MGAT4B: variants seen among roughly 807,000 people sequenced by gnomAD.
MGAT4B encodes the protein N-acetylglucosaminyltransferase IVb.
In MGAT4B, 38 loss-of-function variants were observed where a neutral mutation model predicts 73.9. The ratio of observed to expected loss-of-function variants is 0.51; its 90% CI spans 0.40 to 0.67. The LOEUF (loss-of-function observed/expected upper bound fraction) is 0.67, where lower values mean the gene tolerates loss of function less well. MGAT4B is among the 30% of genes least tolerant of loss of function. MGAT4B has a pLI of 0.00. For synonymous variants in MGAT4B, 373 were observed against 313.5 expected (o/e 1.19, Z -2.01); for missense variants, 686 against 735.2 (o/e 0.93, Z 0.77).
Position 179,800,549 on chromosome 5 carries a change from G to A in MGAT4B, c.654C>T (p.Ser218=). Residue 218 remains serine (S), a synonymous_variant, in exon 6 of 15, where the codon TCC becomes TCT. Coordinates refer to ENST00000292591, the MANE Select transcript of MGAT4B (RefSeq NM_014275.5). ...HSGLLEVISP[S]PHFYPDFSRL... ...GGGAGAAGTCAGGGTAGAAGTGGGG[G>A]GAGGGTGAGATGACCTCCAGGAGCC... 6.2e-7 allele frequency: 1 copy of A among 1,612,296 alleles called. No homozygotes were observed. The highest frequency in any genetic ancestry group is 8.5e-7 in the Non-Finnish European group (1 of 1,179,732).
In MGAT4B at chr5:179,798,409, A is replaced by G; in HGVS notation, c.1448T>C (p.Leu483Pro). The change falls in exon 13 of 15, where the codon CTG (leucine) becomes CCG (proline). Residue 483 changes from leucine to proline, a missense_variant. Transcript: ENST00000292591. ...GAGGGTGGCGGTGCGGCCCTCCTGC[A>G]GGGCCTCCTTGTCTGACTGAGGGTT... ...FDNPQSDKEA[L>P]QEGRTATLRY... The G allele has an allele frequency of 6.2e-7, 1 of 1,612,622 alleles. No individual in the cohort carries two copies. The highest frequency in any genetic ancestry group is 8.5e-7 in the Non-Finnish European group (1 of 1,179,848).
At chr5:179,799,712 C>A (rs1756822806) in intron 8 of MGAT4B, 76 bp from the exon 9 acceptor site, 3 of 1,598,478 alleles carry the variant, frequency 1.9e-6, no homozygotes, top group Admixed American at 3.4e-5. Flanking sequence ...CCGAGTCCCA[C>A]AGCAAACCCA....
intron 1 of MGAT4B, chr5:179,802,222 G>T: frequency 6.9e-7 from 1 of 1,449,334 alleles, no homozygotes; most frequent in South Asian, 1.4e-5. Flanking sequence ...TATCCTCTGA[G>T]AAGGCATCTG....
intron 1 of MGAT4B, among the ~76,000 whole-genome samples, chr5:179,805,701 C>G (rs1757120362): frequency 1.3e-5 from 2 of 152,242 alleles, no homozygotes; most frequent in South Asian, 2.1e-4. Context: ...GGACTCAGCC[C>G]GCTTAGGCCT....
rs1756746943 is a variant in MGAT4B, at chr5:179,798,369, G to A, written c.1488C>T (p.Ser496=). Residue 496 remains serine (S), a synonymous_variant, in exon 13 of 15, where the codon AGC becomes AGT. Transcript: ENST00000292591. The part of the protein sequence containing the change: ...GRTATLRYPR[S]PDGYLQIGSF... ...CACCGATCTGGAGGTAGCCGTCGGG[G>A]CTCCGAGGGTACCGGAGGGTGGCGG... The A allele has an allele frequency of 1.2e-6, 2 of 1,613,040 alleles. No individual in the cohort carries two copies. The highest frequency in any genetic ancestry group is 8.5e-7 in the Non-Finnish European group (1 of 1,179,994).
In MGAT4B at chr5:179,806,519, A is replaced by G; in HGVS notation, c.65T>C (p.Leu22Pro). 1 of 1,337,712 alleles carries G rather than the reference A, an allele frequency of 7.5e-7. No individual in the cohort carries two copies. Among genetic ancestry groups the G allele is most frequent in the Non-Finnish European group, 9.8e-7 (1 of 1,019,194 alleles). 82.9% of individuals were successfully genotyped at this position (1,337,712 alleles called of 1,614,324 possible). Residue 22 changes from leucine (L) to proline (P), a missense_variant, in exon 1 of 15, where the codon CTG becomes CCG. Leu to Pro is a moderately conservative substitution (Grantham distance 98). Coordinates refer to ENST00000292591, the MANE Select transcript of MGAT4B (RefSeq NM_014275.5). The surrounding 1 kb of genome is among the most constrained non-coding windows in gnomAD (Gnocchi z 4.6). Reference protein sequence around the residue: ...LLFCLCAFLSLSWYAALSGQK... With the variant: ...LLFCLCAFLSPSWYAALSGQK... The stretch of plus-strand genomic sequence containing the variant: ...GCCGCTGAGTGCCGCGTACCAGGAC[A>G]GCGAGAGGAAGGCGCACAGGCAGAA...
intron 11 of MGAT4B, 45 bp downstream of exon 11, chr5:179,798,883 C>A: frequency 6.2e-7 from 1 of 1,601,494 alleles, no homozygotes; most frequent in Non-Finnish European, 8.5e-7. Context: ...CCCTGGGGGC[C>A]ACCCAGCCCC....
chr5:179,800,715 C>T (rs1756881611), intron 5 of MGAT4B, 118 bp from the exon 6 acceptor site: 1 of 996,122 alleles, frequency 1.0e-6, no homozygotes. Flanking sequence ...CCACCCCCTA[C>T]ACCCAGCCAA....
In MGAT4B at chr5:179,800,480, G is replaced by A. The variant is rs1348099695; in HGVS notation, c.719+4C>T. ...TGCTGAGGGTATGGGGGAGTAACTAGTACCTGACTCTCTCCTTGGGGTCCC... is the reference window on the plus strand; with the variant it reads ...TGCTGAGGGTATGGGGGAGTAACTAATACCTGACTCTCTCCTTGGGGTCCC... On this transcript the variant is annotated splice_donor_region_variant and intron_variant, in intron 6 of 14. Coordinates refer to ENST00000292591, the MANE Select transcript of MGAT4B (RefSeq NM_014275.5). 4 of 1,587,112 alleles carry A rather than the reference G, an allele frequency of 2.5e-6. No homozygotes were observed. The highest frequency in any genetic ancestry group is 1.3e-5 in the African/African-American group (1 of 74,470).
chr5:179,800,130 C>T (rs919809791), intron 7 of MGAT4B, 54 bp downstream of exon 7: 39 of 1,606,686 alleles, frequency 2.4e-5, no homozygotes, highest in African/African-American at 1.7e-4. Context: ...CCAGACCCAT[C>T]GCAGGGCAGG....
chr5:179,799,788 A>C, intron 8 of MGAT4B, 152 bp from the exon 9 acceptor site: 1 of 1,274,674 alleles, frequency 7.8e-7, no homozygotes, highest in Non-Finnish European at 1.1e-6. Flanking sequence ...GAGGGCAGAC[A>C]TGTCTGATGC....
chr5:179,802,413 G>T (rs1476194757), intron 1 of MGAT4B: 2 of 1,147,136 alleles, frequency 1.7e-6, no homozygotes, highest in Non-Finnish European at 2.1e-6. Flanking sequence ...TGTCCTTGTA[G>T]CGGTCGCTGG....
intron 1 of MGAT4B, among the ~76,000 whole-genome samples, chr5:179,805,570 G>T (rs537303630): frequency 6.6e-5 from 10 of 152,370 alleles, no homozygotes; most frequent in African/African-American, 2.4e-4. Context: ...GGCGTGGGTA[G>T]ATGGAGCTCG....
Position 179,801,413 on chromosome 5 carries a change from G to C in MGAT4B, c.479C>G (p.Thr160Ser). Residue 160 changes from threonine (T) to serine (S), a missense_variant, in exon 4 of 15, where the codon ACT becomes AGT. Coordinates refer to ENST00000292591, the MANE Select transcript of MGAT4B (RefSeq NM_014275.5). The surrounding 1 kb of genome is among the most constrained non-coding windows in gnomAD (Gnocchi z 4.8). ...GGAGATGAGCGAGTGCAGAGTGTCA[G>C]TCAGGTACGAGTGCACCTCGCGCCG... ...SVRREVHSYL[T>S]DTLHSLISEL... 6.2e-7 allele frequency: 1 copy of C among 1,612,602 alleles called. No individual in the cohort carries two copies.
chr5:179,802,626 C>T (rs570245663), intron 1 of MGAT4B: 9 of 988,032 alleles, frequency 9.1e-6, no homozygotes, highest in East Asian at 1.1e-4. Flanking sequence ...ACCTGTGCTG[C>T]GCCTGGGGCA....
rs1470138280 is a variant in MGAT4B at position 179,806,494 on chromosome 5, G to A, written c.90C>T (p.Gly30=). The change falls in exon 1 of 15, where the codon GGC becomes GGT. Residue 30 remains glycine (G), a synonymous_variant. Coordinates refer to ENST00000292591, the MANE Select transcript of MGAT4B (RefSeq NM_014275.5). This position sits in a 1 kb window ranked among gnomAD's most constrained non-coding sequence, Gnocchi z 4.6. The part of the protein sequence containing the change: ...LSLSWYAALS[G]QKGDVVDVYQ... Reference sequence around the variant, plus strand: ...GGCGGGGGTCGCGCTCACCTTTCTGGCCGCTGAGTGCCGCGTACCAGGACA... The same window carrying A: ...GGCGGGGGTCGCGCTCACCTTTCTGACCGCTGAGTGCCGCGTACCAGGACA... The A allele has an allele frequency of 1.5e-6, 2 of 1,309,280 alleles. No individual in the cohort carries two copies. Among genetic ancestry groups the A allele is most frequent in the Non-Finnish European group, 1.0e-6 (1 of 1,003,272 alleles). 81.1% of individuals were successfully genotyped at this position (1,309,280 alleles called of 1,614,324 possible).
Position 179,801,150 on chromosome 5 carries a change from G to A in MGAT4B, c.558+184C>T, listed in dbSNP as rs58773990. 0.024 allele frequency among the ~76,000 whole-genome samples: 3,599 copies of A among 151,906 alleles called. 77 individuals are homozygous for A. The highest frequency in any genetic ancestry group is 0.046 in the African/African-American group (1,882 of 41,248). ...GCATGGCCAAGGACTAGGGGGTGGC[G>A]GGGGCGATGGGTAGGGGTAGAGGGT... is the stretch of plus-strand genomic sequence containing the variant. On this transcript the variant is annotated intron_variant, in intron 4 of 14. Coordinates refer to ENST00000292591, the MANE Select transcript of MGAT4B (RefSeq NM_014275.5). This position sits in a 1 kb window ranked among gnomAD's most constrained non-coding sequence, Gnocchi z 4.8.
Position 179,806,583 on chromosome 5 carries a change from TCTC to T in MGAT4B, c.-3_-1del, listed in dbSNP as rs1392086386. On this transcript the variant is annotated 5_prime_UTR_variant, in exon 1 of 15. Transcript: ENST00000292591. The surrounding 1 kb of genome is among the most constrained non-coding windows in gnomAD (Gnocchi z 4.6). ...AGGAAGGTGCCATTGCGGAGCCTCATCTCCTCGGGTGCGCGGCGGGCGCCCGCG... is the reference window on the plus strand; with the variant it reads ...AGGAAGGTGCCATTGCGGAGCCTCATCTCGGGTGCGCGGCGGGCGCCCGCG... 7 of 1,265,050 alleles carry T rather than the reference TCTC, an allele frequency of 5.5e-6. No homozygotes were observed. The highest frequency in any genetic ancestry group is 6.1e-6 in the Non-Finnish European group (6 of 976,786). The allele number at this position is 1,265,050 out of a possible 1,614,324, so 78.4% of individuals were successfully genotyped here.
In MGAT4B at chr5:179,800,171, G is replaced by T; in HGVS notation, c.795+13C>A. ...GCAGGGCAGGGCAGGGCAACGCAGG[G>T]CTTGGGGCTGACCTGCACGTAGTAG... On this transcript the variant is annotated intron_variant, in intron 7 of 14. Transcript: ENST00000292591. The T allele has an allele frequency of 6.2e-7, 1 of 1,613,532 alleles. No individual in the cohort carries two copies.
Sources: gnomAD v4.1 joint callset for allele counts (sites outside exome capture counted in the v4.1 genomes callset) on GRCh38, gnomAD v4.1.1 for gene constraint, Gnocchi (gnomAD v3.1) non-coding constraint, MANE v1.5 for transcripts, NCBI Gene and HGNC (gene_info 2026-07-23, HGNC 2026-07-21) for gene names.